DBX2: variants seen among roughly 807,000 people sequenced by gnomAD.
DBX2 encodes developing brain homeobox 2.
Under a neutral mutation model 17.7 loss-of-function variants are expected in DBX2, and 16 were observed. The ratio of observed to expected loss-of-function variants is 0.90; its 90% CI spans 0.61 to 1.37. DBX2 has a LOEUF of 1.37. DBX2 is among the 40% of genes most tolerant of loss of function. The pLI is 0.00. For synonymous variants in DBX2, 255 were observed against 183.8 expected (o/e 1.39, Z -3.13); for missense variants, 538 against 433.8 (o/e 1.24, Z -2.13).
intron 1 of DBX2, among the ~76,000 whole-genome samples, chr12:45,042,711 C>T (rs1032215912): frequency 1.3e-5 from 2 of 152,130 alleles, no homozygotes; most frequent in Non-Finnish European, 2.9e-5. Flanking sequence ...CAGTGGTGGA[C>T]GGGATGCAGC....
chr12:45,020,909 C>CA (rs1946348768), intron 3 of DBX2, among the ~76,000 whole-genome samples: 3 of 151,964 alleles, frequency 2.0e-5, no homozygotes, highest in Admixed American at 6.6e-5. Flanking sequence ...CAAACAAGCG[C>CA]CATTTGTAAA....
chr12:45,023,037 T>C (rs1021101467), intron 3 of DBX2, among the ~76,000 whole-genome samples: 4 of 152,192 alleles, frequency 2.6e-5, no homozygotes, highest in Non-Finnish European at 1.5e-5. Flanking sequence ...GAGGGTTAAA[T>C]AGGAAACTCC....
intron 3 of DBX2, among the ~76,000 whole-genome samples, chr12:45,017,068 G>A (rs1008674487): frequency 6.6e-6 from 1 of 152,080 alleles, no homozygotes; most frequent in African/African-American, 2.4e-5. Context: ...TTACAGGTGT[G>A]AGCCACCACG....
At chr12:45,017,723 C>T (rs1366489861) in intron 3 of DBX2, among the ~76,000 whole-genome samples, 1 of 152,166 alleles carries the variant, frequency 6.6e-6, no homozygotes, top group African/African-American at 2.4e-5. Flanking sequence ...ACAAACCTCC[C>T]TCTTTATACA....
chr12:45,047,597 C>A (rs1946506856), intron 1 of DBX2, among the ~76,000 whole-genome samples: 1 of 152,136 alleles, frequency 6.6e-6, no homozygotes, highest in Admixed American at 6.5e-5. Context: ...CTGTGTTTAA[C>A]TGTCACCACC....
At chr12:45,050,114 A>C (rs1352203775) in intron 1 of DBX2, among the ~76,000 whole-genome samples, 1 of 152,102 alleles carries the variant, frequency 6.6e-6, no homozygotes, top group Non-Finnish European at 1.5e-5. Context: ...CTTGTCAAGA[A>C]CTTTTCTGAG....
At chr12:45,041,119 A>G (rs1012901942) in intron 1 of DBX2, among the ~76,000 whole-genome samples, 14 of 148,386 alleles carry the variant, frequency 9.4e-5, no homozygotes, top group Non-Finnish European at 1.8e-4. Context: ...ATAACAAATA[A>G]TAATATTAAT....
chr12:45,051,050 G>C lies in DBX2; in HGVS notation c.-123C>G. The C allele has an allele frequency of 2.5e-6, 3 of 1,211,928 alleles. No homozygotes were observed. Among genetic ancestry groups the C allele is most frequent in the Non-Finnish European group, 3.1e-6 (3 of 956,478 alleles). The allele number at this position is 1,211,928 out of a possible 1,614,324, so 75.1% of individuals were successfully genotyped here. On this transcript the variant is annotated 5_prime_UTR_variant, in exon 1 of 4. Coordinates refer to ENST00000332700, the MANE Select transcript of DBX2 (RefSeq NM_001004329.3). The stretch of plus-strand genomic sequence containing the variant: ...CTCCCGCAGGGCTGGAGCGCGCGGA[G>C]CCAGGCAGGGAGGAAAGGCCACCCG...
intron 2 of DBX2, among the ~76,000 whole-genome samples, chr12:45,025,179 T>C (rs1340161060): frequency 6.6e-6 from 1 of 152,194 alleles, no homozygotes; most frequent in Non-Finnish European, 1.5e-5. Flanking sequence ...TATCTTGTAT[T>C]ACCCAGGTGG....
chr12:45,023,052 G>T (rs1946362046), intron 3 of DBX2, among the ~76,000 whole-genome samples: 1 of 152,162 alleles, frequency 6.6e-6, no homozygotes, highest in South Asian at 2.1e-4. Flanking sequence ...AACTCCTAGT[G>T]CCTTATGATA....
chr12:45,025,748 A>G (rs999029986), intron 2 of DBX2, among the ~76,000 whole-genome samples: 1 of 149,318 alleles, frequency 6.7e-6, no homozygotes, highest in Non-Finnish European at 1.5e-5. Context: ...AATGAATGTC[A>G]TAAGTACTAG....
intron 1 of DBX2, 124 bp downstream of exon 1, chr12:45,050,401 C>T (rs1464085425): frequency 1.6e-5 from 21 of 1,337,566 alleles, no homozygotes; most frequent in East Asian, 2.7e-5. Flanking sequence ...GCTCGAGATG[C>T]TCCAGGAAGT....
rs377142325 is a variant in DBX2, at chr12:45,036,069, G to T, written c.449C>A (p.Ala150Glu). Residue 150 changes from alanine to glutamate, a missense_variant, in exon 2 of 4, where the codon GCG (alanine) becomes GAG (glutamate). Coordinates refer to ENST00000332700, the MANE Select transcript of DBX2 (RefSeq NM_001004329.3). ...FLLSTPPFYSACCGGSCRRPA... is the reference protein window; with the variant it reads ...FLLSTPPFYSECCGGSCRRPA... Reference sequence around the variant, plus strand: ...GCGCCGACAGGACCCACCGCAGCACGCCGAGTAGAATGGCGGGGTGCTCAG... The same window carrying T: ...GCGCCGACAGGACCCACCGCAGCACTCCGAGTAGAATGGCGGGGTGCTCAG... The T allele has an allele frequency of 1.2e-6, 2 of 1,613,650 alleles. No individual in the cohort carries two copies. The highest frequency in any genetic ancestry group is 1.3e-5 in the African/African-American group (1 of 75,038).
intron 3 of DBX2, among the ~76,000 whole-genome samples, chr12:45,017,269 G>C (rs1203389707): frequency 6.6e-6 from 1 of 152,168 alleles, no homozygotes; most frequent in East Asian, 1.9e-4. Context: ...ATTAGCATCT[G>C]AGTGTTTATT....
Position 45,015,336 on chromosome 12 carries a change from GT to G in DBX2, c.*949del, listed in dbSNP as rs1412101501. On this transcript the variant is annotated 3_prime_UTR_variant, in exon 4 of 4. Transcript: ENST00000332700. ...TGTTAGTATTGTGGTTTTAAGTCCAGTTAGAAAAATTTTAAGAACTGTGACA... is the reference window on the plus strand; with the variant it reads ...TGTTAGTATTGTGGTTTTAAGTCCAGTAGAAAAATTTTAAGAACTGTGACA... The G allele has an allele frequency of 6.6e-6, 1 of 152,206 alleles. No homozygotes were observed. The highest frequency in any genetic ancestry group is 1.5e-5 in the Non-Finnish European group (1 of 68,028). 9.4% of individuals were successfully genotyped at this position (152,206 alleles called of 1,614,324 possible). A position where few individuals can be genotyped will look rare whatever the true frequency, so the allele number is the denominator to read the frequency against.
At chr12:45,036,637 A>C (rs1946442691) in intron 1 of DBX2, among the ~76,000 whole-genome samples, 1 of 152,222 alleles carries the variant, frequency 6.6e-6, no homozygotes, top group Admixed American at 6.5e-5. Context: ...ACTTACCAAG[A>C]AATGATTTAA....
intron 2 of DBX2, among the ~76,000 whole-genome samples, chr12:45,035,618 A>G (rs751991840): frequency 2.0e-5 from 3 of 152,176 alleles, no homozygotes; most frequent in Non-Finnish European, 4.4e-5. Flanking sequence ...ATAGACACTT[A>G]GTGACTTTCT....
At chr12:45,050,479 C>G (rs752649743) in intron 1 of DBX2, 46 bp downstream of exon 1, 13 of 1,541,144 alleles carry the variant, frequency 8.4e-6, no homozygotes. Flanking sequence ...ACCACCCGGC[C>G]TGGGGGCGCG....
chr12:45,021,127 T>C (rs1946349839), intron 3 of DBX2, among the ~76,000 whole-genome samples: 1 of 152,238 alleles, frequency 6.6e-6, no homozygotes, highest in African/African-American at 2.4e-5. Context: ...TTACAAATTG[T>C]AATTGTAATG....
Sources: gnomAD v4.1 joint callset for allele counts (sites outside exome capture counted in the v4.1 genomes callset) on GRCh38, gnomAD v4.1.1 for gene constraint, MANE v1.5 for transcripts, NCBI Gene and HGNC (gene_info 2026-07-23, HGNC 2026-07-21) for gene names.